The following DGKE variants were observed in gnomAD, a reference collection of about 807,000 sequenced individuals.
The protein encoded by DGKE is DAG kinase epsilon.
Under a neutral mutation model 70.0 loss-of-function variants are expected in DGKE, and 53 were observed. The ratio of observed to expected loss-of-function variants is 0.76; its 90% CI spans 0.61 to 0.95. DGKE has a LOEUF of 0.95. Ranked by LOEUF, DGKE falls within the 40% of genes least tolerant of loss-of-function variation. DGKE has a pLI of 0.00. For missense variants in DGKE, 655 were observed against 706.9 expected, an observed-to-expected ratio of 0.93 and a Z score of 0.83; for synonymous variants, 291 against 257.0, an observed-to-expected ratio of 1.13 and a Z score of -1.27.
At chr17:56,848,991 G>C in intron 6 of DGKE, 138 bp downstream of exon 6, 5 of 1,319,266 alleles carry the variant, frequency 3.8e-6, no homozygotes, top group Non-Finnish European at 5.2e-6. Context: ...ACAGATACTG[G>C]TGTTTTGTTT....
At position 56,835,109 on chromosome 17, in the gene DGKE, G is replaced by A. The variant is rs1245283449; in HGVS notation, c.314G>A (p.Arg105His). The stretch of plus-strand genomic sequence containing the variant: ...GGCTGCCTCAGGAAGGCCGACAAGC[G>A]CTTCCAGTGCAAGGAGATTATGCTC... ...DEGCLRKADK[R>H]FQCKEIMLKN... is the part of the protein sequence containing the mutation. Residue 105 changes from arginine (R) to histidine (H), a missense_variant, in exon 2 of 12, where the codon CGC (arginine) becomes CAC (histidine). Coordinates refer to ENST00000284061, the MANE Select transcript of DGKE (RefSeq NM_003647.3). The A allele has an allele frequency of 2.5e-6, 4 of 1,613,894 alleles. No homozygotes were observed. The highest frequency in any genetic ancestry group is 3.4e-6 in the Non-Finnish European group (4 of 1,180,044).
At chr17:56,843,782 A>G (rs1481154381) in intron 2 of DGKE, among the ~76,000 whole-genome samples, 2 of 135,882 alleles carry the variant, frequency 1.5e-5, no homozygotes, top group African/African-American at 5.6e-5. Flanking sequence ...TGGTGGACAG[A>G]GTGAGACCCT....
chr17:56,848,091 G>C, intron 5 of DGKE, 26 bp downstream of exon 5: 1 of 1,439,610 alleles, frequency 6.9e-7, no homozygotes, highest in Non-Finnish European at 9.2e-7. Flanking sequence ...AACTACTACA[G>C]AAGGACTTCT....
At chr17:56,854,719 A>C (rs1305496158) in intron 7 of DGKE, among the ~76,000 whole-genome samples, 3 of 152,226 alleles carry the variant, frequency 2.0e-5, no homozygotes, top group Non-Finnish European at 4.4e-5. Context: ...ACCAGGATGT[A>C]TTACTATTCA....
chr17:56,834,705 C>A, intron 1 of DGKE, 73 bp from the exon 2 acceptor site: 1 of 1,421,370 alleles, frequency 7.0e-7, no homozygotes. Context: ...CCGGTTTGGC[C>A]CCGGAAAGGC....
rs1555599211 is a variant in DGKE at position 56,848,105 on chromosome 17, A to G, written c.888+40A>G. The stretch of plus-strand genomic sequence containing the variant: ...GAACTACTACAGAAGGACTTCTAAG[A>G]TAAATATACTATACATATATATATA... On this transcript the variant is annotated intron_variant, in intron 5 of 11. Coordinates refer to ENST00000284061, the MANE Select transcript of DGKE (RefSeq NM_003647.3). 2 of 1,264,370 alleles carry G rather than the reference A, an allele frequency of 1.6e-6. No homozygotes were observed. Among genetic ancestry groups the G allele is most frequent in the Non-Finnish European group, 2.1e-6 (2 of 970,356 alleles). 78.3% of individuals were successfully genotyped at this position (1,264,370 alleles called of 1,614,324 possible).
At chr17:56,842,787 C>G (rs1275832044) in intron 2 of DGKE, among the ~76,000 whole-genome samples, 1 of 152,084 alleles carries the variant, frequency 6.6e-6, no homozygotes, top group African/African-American at 2.4e-5. Flanking sequence ...TTTCTGGTGG[C>G]CTGCTTTATC....
chr17:56,855,736 T>C (rs1213598115), intron 7 of DGKE, among the ~76,000 whole-genome samples: 2 of 152,154 alleles, frequency 1.3e-5, no homozygotes, highest in Non-Finnish European at 2.9e-5. Context: ...CCGGGCGCGG[T>C]GGCTCACGCC....
intron 5 of DGKE, 136 bp from the exon 6 acceptor site, chr17:56,848,560 G>T: frequency 1.2e-6 from 1 of 816,894 alleles, no homozygotes. Flanking sequence ...TAAGCAATTA[G>T]CACAAGCTTT....
At chr17:56,835,346 C>A in intron 2 of DGKE, 87 bp downstream of exon 2, 2 of 1,332,656 alleles carry the variant, frequency 1.5e-6, no homozygotes, top group Non-Finnish European at 2.0e-6. Flanking sequence ...GCTTTAATCT[C>A]TGCTGATGAC....
chr17:56,862,624 T>C lies in DGKE; in HGVS notation c.1537T>C (p.Cys513Arg). The C allele has an allele frequency of 6.4e-7, 1 of 1,552,124 alleles. No homozygotes were observed. Among genetic ancestry groups the C allele is most frequent in the Non-Finnish European group, 8.6e-7 (1 of 1,157,554 alleles). The change falls in exon 12 of 12, where the codon TGC becomes CGC. Residue 513 changes from cysteine to arginine, a missense_variant. Coordinates refer to ENST00000284061, the MANE Select transcript of DGKE (RefSeq NM_003647.3). ...TCCCTAATATCAGCTGATTTTGAAGTGCTCCATGATGCCAATGCAGGTGGA... is the reference window on the plus strand; with the variant it reads ...TCCCTAATATCAGCTGATTTTGAAGCGCTCCATGATGCCAATGCAGGTGGA... ...QAHTVRLILK[C>R]SMMPMQVDGE...
chr17:56,862,308 G>T lies in DGKE; in HGVS notation c.1524+57G>T, dbSNP rs755176290. On this transcript the variant is annotated intron_variant, in intron 11 of 11. Transcript: ENST00000284061. ...TGTCCCAATCCAATTCTAAGCTGTT[G>T]ATATGTAAAATATACATGCTATACT... is the stretch of plus-strand genomic sequence containing the variant. 5 of 1,478,750 alleles carry T rather than the reference G, an allele frequency of 3.4e-6. 1 individual carries two copies. In the African/African-American group the frequency reaches 6.9e-5, roughly 21 times the overall value. The allele number at this position is 1,478,750 out of a possible 1,614,324, so 91.6% of individuals were successfully genotyped here. A position where few individuals can be genotyped will look rare whatever the true frequency, so the allele number is the denominator to read the frequency against.
At chr17:56,848,453 C>T (rs1001629968) in intron 5 of DGKE, among the ~76,000 whole-genome samples, 2 of 152,104 alleles carry the variant, frequency 1.3e-5, no homozygotes, top group Non-Finnish European at 2.9e-5. Context: ...CCACTATGCC[C>T]AACCTAATAT....
chr17:56,834,887 T>C lies in DGKE; in HGVS notation c.92T>C (p.Leu31Pro). 6.2e-7 allele frequency: 1 copy of C among 1,613,690 alleles called. No individual in the cohort carries two copies. The highest frequency in any genetic ancestry group is 8.5e-7 in the Non-Finnish European group (1 of 1,179,934). Residue 31 changes from leucine to proline, a missense_variant, in exon 2 of 12, where the codon CTG (leucine) becomes CCG (proline). Leu to Pro is a moderately conservative substitution (Grantham distance 98). Coordinates refer to ENST00000284061, the MANE Select transcript of DGKE (RefSeq NM_003647.3). ...ATCTTGTGGACGCTGTGCTCGGTCCTGCTGCCGGTGTTCATCACCTTCTGG... is the reference window on the plus strand; with the variant it reads ...ATCTTGTGGACGCTGTGCTCGGTCCCGCTGCCGGTGTTCATCACCTTCTGG... ...HLILWTLCSV[L>P]LPVFITFWCS...
intron 2 of DGKE, chr17:56,836,064 A>C (rs1466752186): frequency 6.6e-6 from 1 of 152,250 alleles, no homozygotes; most frequent in Non-Finnish European, 1.5e-5. Flanking sequence ...CAGGATTTCC[A>C]GCTCTGGACT....
chr17:56,861,677 T>C, intron 9 of DGKE, 114 bp from the exon 10 acceptor site: 1 of 1,426,328 alleles, frequency 7.0e-7, no homozygotes, highest in South Asian at 1.3e-5. Flanking sequence ...GAGCATCTTC[T>C]ACATGTGCAT....
chr17:56,843,444 T>A (rs1213762426), intron 2 of DGKE, among the ~76,000 whole-genome samples: 1 of 152,160 alleles, frequency 6.6e-6, no homozygotes, highest in Non-Finnish European at 1.5e-5. Context: ...TCTTTAGTGT[T>A]ATTATTAAAA....
rs201182619 is a variant in DGKE at position 56,856,480 on chromosome 17, A to G, written c.1099-32A>G. On this transcript the variant is annotated intron_variant, in intron 7 of 11. Transcript: ENST00000284061. Reference sequence around the variant, plus strand: ...ATGACTCAAGCTTAGGTGGAACCATAGTCTGTTGCTTATTCTTACCCTTTC... The same window carrying G: ...ATGACTCAAGCTTAGGTGGAACCATGGTCTGTTGCTTATTCTTACCCTTTC... The G allele has an allele frequency of 3.1e-6, 5 of 1,594,894 alleles. No individual in the cohort carries two copies. In the African/African-American group the frequency reaches 5.4e-5, roughly 17 times the overall value.
At chr17:56,844,631 A>C (rs1221470873) in intron 3 of DGKE, among the ~76,000 whole-genome samples, 1 of 152,186 alleles carries the variant, frequency 6.6e-6, no homozygotes, top group Non-Finnish European at 1.5e-5. Context: ...GTCAGTGAAA[A>C]GAAAATAGAT....
Sources: gnomAD v4.1 joint callset for allele counts (sites outside exome capture counted in the v4.1 genomes callset) on GRCh38, gnomAD v4.1.1 for gene constraint, MANE v1.5 for transcripts, NCBI Gene and HGNC (gene_info 2026-07-23, HGNC 2026-07-21) for gene names.